Variants in KCNH1 observed in about 807,000 individuals in gnomAD.
KCNH1 encodes the protein potassium voltage-gated channel subfamily H member 1, also known as voltage-gated delayed rectifier potassium channel KCNH1.
In KCNH1, 27 loss-of-function variants were observed where a neutral mutation model predicts 69.2. That is an observed-to-expected ratio of 0.39 (90% CI 0.29 to 0.54). The LOEUF is 0.54. KCNH1 is among the 20% of genes least tolerant of loss of function. KCNH1 has a pLI of 0.68. For missense variants in KCNH1, 798 were observed against 1,261.6 expected, an observed-to-expected ratio of 0.63 and a Z score of 5.57; for synonymous variants, 456 against 487.7, an observed-to-expected ratio of 0.93 and a Z score of 0.86.
chr1:210,892,654 A>T (rs1574322242), intron 7 of KCNH1, among the ~76,000 whole-genome samples: 1 of 152,202 alleles, frequency 6.6e-6, no homozygotes, highest in South Asian at 2.1e-4. Flanking sequence ...ATATGGACCC[A>T]AAAATGGCAA....
intron 5 of KCNH1, among the ~76,000 whole-genome samples, chr1:211,081,352 A>G (rs559066942): frequency 2.6e-5 from 4 of 152,320 alleles, no homozygotes; most frequent in Admixed American, 2.6e-4. Flanking sequence ...AAATAGGAAC[A>G]CTTCTACACT....
chr1:210,938,793 C>T (rs17188721), intron 6 of KCNH1, among the ~76,000 whole-genome samples: 6,202 of 152,298 alleles, frequency 0.041, 191 homozygotes, highest in South Asian at 0.065. Context: ...AAAATTATCA[C>T]TGTATAAAGT....
chr1:210,912,011 G>A (rs928062626), intron 7 of KCNH1, among the ~76,000 whole-genome samples: 54 of 152,236 alleles, frequency 3.5e-4, no homozygotes, highest in African/African-American at 1.2e-3. Context: ...ACAAGACAAA[G>A]GGAATGACTT....
chr1:210,859,469 C>T, intron 7 of KCNH1: 1 of 1,608,410 alleles, frequency 6.2e-7, no homozygotes, highest in Non-Finnish European at 8.5e-7. Context: ...CCTTCCAGAG[C>T]AGTCTCTTCA....
At chr1:210,999,725 A>C (rs1014083242) in intron 6 of KCNH1, among the ~76,000 whole-genome samples, 10 of 152,356 alleles carry the variant, frequency 6.6e-5, no homozygotes, top group African/African-American at 2.4e-4. Flanking sequence ...AGAGAATTTT[A>C]GACCAATATC....
At chr1:210,939,263 C>T (rs981059648) in intron 6 of KCNH1, among the ~76,000 whole-genome samples, 3 of 152,050 alleles carry the variant, frequency 2.0e-5, no homozygotes, top group African/African-American at 7.2e-5. Context: ...AGAGAATAAA[C>T]AGCATAAATA....
chr1:210,729,506 C>T (rs1371919638), intron 10 of KCNH1, among the ~76,000 whole-genome samples: 1 of 152,222 alleles, frequency 6.6e-6, no homozygotes, highest in Non-Finnish European at 1.5e-5. Flanking sequence ...CCACATTTCT[C>T]TTCACTCAAG....
chr1:210,788,391 T>C (rs1325567913), intron 9 of KCNH1, among the ~76,000 whole-genome samples: 1 of 152,232 alleles, frequency 6.6e-6, no homozygotes, highest in Non-Finnish European at 1.5e-5. Flanking sequence ...AACTTCTTCA[T>C]ATCATTATCA....
chr1:210,791,700 G>A (rs982575163), intron 9 of KCNH1, among the ~76,000 whole-genome samples: 1 of 152,088 alleles, frequency 6.6e-6, no homozygotes, highest in Admixed American at 6.5e-5. Flanking sequence ...CCATGCATTT[G>A]TCTCACCACA....
At chr1:210,849,325 C>A in intron 7 of KCNH1, among the ~76,000 whole-genome samples, 1 of 151,186 alleles carries the variant, frequency 6.6e-6, no homozygotes, top group East Asian at 1.9e-4. Flanking sequence ...TGGTTTTAAG[C>A]CATGAGCCTT....
intron 7 of KCNH1, among the ~76,000 whole-genome samples, chr1:210,854,368 A>G (rs1685782935): frequency 6.6e-6 from 1 of 152,246 alleles, no homozygotes; most frequent in Non-Finnish European, 1.5e-5. Flanking sequence ...AGTCCAAGAA[A>G]AGGGATGAAT....
chr1:210,958,655 A>T (rs746972998), intron 6 of KCNH1, among the ~76,000 whole-genome samples: 1 of 152,080 alleles, frequency 6.6e-6, no homozygotes, highest in Non-Finnish European at 1.5e-5. Flanking sequence ...TTACTTCATT[A>T]ATTTGATCTT....
intron 10 of KCNH1, among the ~76,000 whole-genome samples, chr1:210,761,674 T>C (rs1683527278): frequency 1.3e-5 from 2 of 152,112 alleles, no homozygotes; most frequent in Non-Finnish European, 2.9e-5. Flanking sequence ...GATAAAGGTG[T>C]TCAAATCAAC....
At chr1:210,850,459 C>A (rs1348305691) in intron 7 of KCNH1, among the ~76,000 whole-genome samples, 1 of 152,118 alleles carries the variant, frequency 6.6e-6, no homozygotes, top group African/African-American at 2.4e-5. Flanking sequence ...TGCAGTGAGT[C>A]GAGATCCTGT....
intron 6 of KCNH1, among the ~76,000 whole-genome samples, chr1:211,014,774 G>T (rs572601197): frequency 2.0e-5 from 3 of 152,130 alleles, no homozygotes; most frequent in Admixed American, 6.5e-5. Flanking sequence ...TTTTTTATGA[G>T]AAATGAGTCA....
chr1:210,904,131 C>T (rs1687049071), intron 7 of KCNH1, among the ~76,000 whole-genome samples: 2 of 152,184 alleles, frequency 1.3e-5, no homozygotes, highest in African/African-American at 4.8e-5. Flanking sequence ...ATGCCAAGTA[C>T]TTTTCTCACT....
At chr1:210,954,234 C>T (rs1688119989) in intron 6 of KCNH1, among the ~76,000 whole-genome samples, 2 of 152,200 alleles carry the variant, frequency 1.3e-5, no homozygotes, top group Admixed American at 1.3e-4. Flanking sequence ...AGGGCATGAA[C>T]TCATCATTTT....
At chr1:210,836,012 C>T (rs2102446318) in intron 7 of KCNH1, among the ~76,000 whole-genome samples, 1 of 151,030 alleles carries the variant, frequency 6.6e-6, no homozygotes, top group Middle Eastern at 3.4e-3. Flanking sequence ...CCCCTGTAGT[C>T]CCAGCTACTA....
At chr1:210,745,643 G>T (rs1683132027) in intron 10 of KCNH1, among the ~76,000 whole-genome samples, 1 of 152,168 alleles carries the variant, frequency 6.6e-6, no homozygotes, top group Non-Finnish European at 1.5e-5. Flanking sequence ...ATCACACTGG[G>T]GAACTAGCTT....
Sources: gnomAD v4.1 joint callset for allele counts (sites outside exome capture counted in the v4.1 genomes callset) on GRCh38, gnomAD v4.1.1 for gene constraint, MANE v1.5 for transcripts, NCBI Gene and HGNC (gene_info 2026-07-23, HGNC 2026-07-21) for gene names.